The following KLHL8 variants were observed in gnomAD, a reference collection of about 807,000 sequenced individuals.
KLHL8 encodes the protein kelch like family member 8, also known as kelch-like protein 8.
In KLHL8, 38 loss-of-function variants were observed where a neutral mutation model predicts 63.5. The ratio of observed to expected loss-of-function variants is 0.60; its 90% CI spans 0.46 to 0.78. The LOEUF is 0.78. Ranked by LOEUF, KLHL8 falls within the 30% of genes least tolerant of loss-of-function variation. The pLI is 0.00. For missense variants in KLHL8, 566 were observed against 752.4 expected, an observed-to-expected ratio of 0.75 and a Z score of 2.90; for synonymous variants, 224 against 254.3, an observed-to-expected ratio of 0.88 and a Z score of 1.13.
intron 1 of KLHL8, among the ~76,000 whole-genome samples, chr4:87,231,363 C>T (rs34242006): frequency 0.077 from 11,688 of 152,186 alleles, 628 homozygotes; most frequent in Non-Finnish European, 0.12. Flanking sequence ...TAAATCTAAA[C>T]CCTTACGTCT....
intron 1 of KLHL8, among the ~76,000 whole-genome samples, chr4:87,239,294 G>T (rs1026064824): frequency 6.6e-6 from 1 of 152,190 alleles, no homozygotes; most frequent in African/African-American, 2.4e-5. Flanking sequence ...AATGAATAAA[G>T]TTGTGACTCT....
rs1359095082 is a variant in KLHL8, at chr4:87,163,253, C to G, written c.*266G>C. The G allele has an allele frequency of 4.0e-6, 1 of 251,380 alleles. No homozygotes were observed. Among genetic ancestry groups the G allele is most frequent in the African/African-American group, 2.3e-5 (1 of 44,442 alleles). 15.6% of individuals were successfully genotyped at this position (251,380 alleles called of 1,614,324 possible). On this transcript the variant is annotated 3_prime_UTR_variant, in exon 10 of 10. Transcript: ENST00000273963. ...TCAAGATTTTTGGCACTACTTTAAG[C>G]ATTTTTCAGGGTAGGTATGATTTTA...
At chr4:87,220,034 C>T (rs2110060697) in intron 1 of KLHL8, 1 of 152,504 alleles carries the variant, frequency 6.6e-6, no homozygotes, top group African/African-American at 2.4e-5. Context: ...CCGCGAAGCA[C>T]CTGCCTGGGC....
intron 1 of KLHL8, among the ~76,000 whole-genome samples, chr4:87,208,874 T>G (rs556255621): frequency 6.6e-6 from 1 of 152,360 alleles, no homozygotes; most frequent in South Asian, 2.1e-4. Context: ...GAAAAGGGCT[T>G]TAATAAATAT....
intron 1 of KLHL8, chr4:87,207,124 T>C (rs1732162856): frequency 3.7e-6 from 2 of 537,522 alleles, no homozygotes; most frequent in Middle Eastern, 6.0e-4. Flanking sequence ...GATTTGGTCG[T>C]ATTGGATGCC....
chr4:87,174,981 C>T (rs982135574), intron 6 of KLHL8, among the ~76,000 whole-genome samples: 4 of 152,130 alleles, frequency 2.6e-5, no homozygotes, highest in African/African-American at 9.7e-5. Context: ...CAGATCACAA[C>T]GCTTCAACTA....
upstream of KLHL8, among the ~76,000 whole-genome samples, chr4:87,223,440 C>T (rs888732274): frequency 6.6e-6 from 1 of 152,000 alleles, no homozygotes; most frequent in East Asian, 1.9e-4. Flanking sequence ...ATCTATTTAT[C>T]GAAGAACATT....
At chr4:87,189,297 T>C (rs1170036410) in intron 2 of KLHL8, among the ~76,000 whole-genome samples, 1 of 152,194 alleles carries the variant, frequency 6.6e-6, no homozygotes, top group Non-Finnish European at 1.5e-5. Flanking sequence ...AGAGAAACTT[T>C]TAGGCCAAGT....
intron 1 of KLHL8, chr4:87,207,691 C>T: frequency 1.0e-6 from 1 of 958,864 alleles, no homozygotes; most frequent in Non-Finnish European, 1.7e-6. Flanking sequence ...CTGCAGGGCT[C>T]TCCAGAACAT....
chr4:87,233,486 T>C (rs1189783413), intron 1 of KLHL8, among the ~76,000 whole-genome samples: 1 of 152,072 alleles, frequency 6.6e-6, no homozygotes, highest in African/African-American at 2.4e-5. Flanking sequence ...GACACGAGAA[T>C]GGCTTGAATC....
intron 1 of KLHL8, chr4:87,207,820 A>T: frequency 8.7e-7 from 1 of 1,146,688 alleles, no homozygotes. Flanking sequence ...CATTAACCTG[A>T]CCTGCCATCT....
chr4:87,219,449 G>A (rs897939836), intron 1 of KLHL8: 1 of 152,164 alleles, frequency 6.6e-6, no homozygotes. Context: ...CAGGTTCTAA[G>A]GACCTTTTCC....
intron 1 of KLHL8, chr4:87,207,872 A>G: frequency 6.5e-7 from 1 of 1,534,344 alleles, no homozygotes; most frequent in Non-Finnish European, 9.0e-7. Flanking sequence ...AAGGTGGTGA[A>G]GCAGACATCG....
chr4:87,171,084 G>A (rs939445766), intron 6 of KLHL8, among the ~76,000 whole-genome samples: 3 of 151,858 alleles, frequency 2.0e-5, no homozygotes, highest in African/African-American at 7.3e-5. Context: ...TATATTACAA[G>A]TTTTATGTCA....
chr4:87,221,088 G>C (rs1732826144), upstream of KLHL8: 1 of 152,128 alleles, frequency 6.6e-6, no homozygotes, highest in African/African-American at 2.4e-5. Flanking sequence ...ATTGACCTGA[G>C]AGCTCGCTGC....
In KLHL8 at chr4:87,160,966, T is replaced by A. The variant is rs1730137092; in HGVS notation, c.*2553A>T. 1 of 152,162 alleles carries A rather than the reference T, an allele frequency of 6.6e-6. No homozygotes were observed. The highest frequency in any genetic ancestry group is 1.5e-5 in the Non-Finnish European group (1 of 68,012). The allele number at this position is 152,162 out of a possible 1,614,324, so 9.4% of individuals were successfully genotyped here. ...AGCTGCATGATTCCTTCAGCCTGATTCTCATTTCATGTCTCAATAAACGTG... is the reference window on the plus strand; with the variant it reads ...AGCTGCATGATTCCTTCAGCCTGATACTCATTTCATGTCTCAATAAACGTG... On this transcript the variant is annotated 3_prime_UTR_variant, in exon 10 of 10. Coordinates refer to ENST00000273963, the MANE Select transcript of KLHL8 (RefSeq NM_020803.5).
Position 87,183,320 on chromosome 4 carries a change from T to C in KLHL8, c.835A>G (p.Asn279Asp). 6.2e-7 allele frequency: 1 copy of C among 1,613,440 alleles called. No homozygotes were observed. The highest frequency in any genetic ancestry group is 8.5e-7 in the Non-Finnish European group (1 of 1,179,552). The change falls in exon 4 of 10, where the codon AAT becomes GAT. Residue 279 changes from asparagine to aspartate, a missense_variant. Asn to Asp is a conservative substitution (Grantham distance 23, BLOSUM62 1). Coordinates refer to ENST00000273963, the MANE Select transcript of KLHL8 (RefSeq NM_020803.5). ...VVAKEQIVKQ[N>D]LKCRDLLDEA... ...TCCAGTAAATCTCTACATTTTAGAT[T>C]TTGCTTGACAATCTGTTCTTTTGCC...
chr4:87,199,582 A>G (rs1388144529), intron 1 of KLHL8, among the ~76,000 whole-genome samples: 1 of 152,152 alleles, frequency 6.6e-6, no homozygotes, highest in African/African-American at 2.4e-5. Context: ...GAATGGAAGA[A>G]AATAGTATTT....
chr4:87,193,356 C>T (rs75750423), intron 2 of KLHL8, among the ~76,000 whole-genome samples: 18 of 152,260 alleles, frequency 1.2e-4, no homozygotes, highest in East Asian at 7.7e-4. Context: ...CACTGTCTTC[C>T]GCCTCCAGAT....
Sources: allele counts gnomAD v4.1 joint callset (sites outside exome capture counted in the v4.1 genomes callset), GRCh38; gene constraint gnomAD v4.1.1; transcripts MANE v1.5; gene names NCBI Gene and HGNC (gene_info 2026-07-23, HGNC 2026-07-21).